DYNC1I1: variants seen among roughly 807,000 people sequenced by gnomAD.
DYNC1I1 encodes dynein cytoplasmic 1 intermediate chain 1.
DYNC1I1 carries 43 observed loss-of-function variants against 86.6 expected under a neutral mutation model. The ratio of observed to expected loss-of-function variants is 0.50; its 90% CI spans 0.39 to 0.64. The LOEUF is 0.64. Ranked by LOEUF, DYNC1I1 falls within the 30% of genes least tolerant of loss-of-function variation. DYNC1I1 has a pLI of 0.00. For synonymous variants in DYNC1I1, 262 were observed against 283.7 expected (o/e 0.92, Z 0.77); for missense variants, 604 against 788.8 (o/e 0.77, Z 2.81).
intron 5 of DYNC1I1, among the ~76,000 whole-genome samples, chr7:95,852,716 A>G (rs1731893423): frequency 6.6e-6 from 1 of 152,008 alleles, no homozygotes; most frequent in African/African-American, 2.4e-5. Flanking sequence ...CATTTTGGCC[A>G]GGTGGTCTTG....
Position 95,823,967 on chromosome 7 carries a change from T to TAC in DYNC1I1, c.315-4089_315-4088insCA, listed in dbSNP as rs1485846981. Among the ~76,000 whole-genome samples the TAC allele has an allele frequency of 3.1e-4, 34 of 109,144 alleles. 2 individuals are homozygous for TAC. The highest frequency in any genetic ancestry group is 1.7e-3 in the Admixed American group (15 of 8,716). The allele number at this position is 109,144 out of a possible 152,430, so 71.6% of individuals were successfully genotyped here. A position where few individuals can be genotyped will look rare whatever the true frequency, so the allele number is the denominator to read the frequency against. ...TTCTACTAAACTATATATATATATA[T>TAC]ATATATATATATGTTTTGGTTTTTT... On this transcript the variant is annotated intron_variant, in intron 4 of 16. Transcript: ENST00000447467.
At chr7:95,984,153 A>G (rs1793523992) in intron 7 of DYNC1I1, among the ~76,000 whole-genome samples, 2 of 152,168 alleles carry the variant, frequency 1.3e-5, no homozygotes, top group Admixed American at 1.3e-4. Flanking sequence ...GATTAATCAT[A>G]CCAGAAAAGT....
intron 5 of DYNC1I1, among the ~76,000 whole-genome samples, chr7:95,858,574 G>T (rs1562924756): frequency 1.3e-5 from 2 of 151,490 alleles, no homozygotes; most frequent in East Asian, 3.8e-4. Flanking sequence ...TGGCAGTGCA[G>T]TGGGTTTGTA....
intron 14 of DYNC1I1, among the ~76,000 whole-genome samples, chr7:96,072,339 G>T (rs181087376): frequency 1.8e-4 from 27 of 152,284 alleles, no homozygotes; most frequent in Non-Finnish European, 1.0e-4. Context: ...GCAGTAGGCC[G>T]TGTAACAGTG....
At chr7:95,815,711 T>C (rs1794931284) in intron 4 of DYNC1I1, among the ~76,000 whole-genome samples, 1 of 152,170 alleles carries the variant, frequency 6.6e-6, no homozygotes, top group Non-Finnish European at 1.5e-5. Flanking sequence ...TTCTTAAGAA[T>C]ATAACTCTAT....
intron 6 of DYNC1I1, among the ~76,000 whole-genome samples, chr7:95,936,956 T>TCTCTCACACACACACACACACACA (rs750834189): frequency 1.9e-3 from 255 of 134,274 alleles, no homozygotes; most frequent in Middle Eastern, 3.6e-3. Context: ...AGAATATGTC[T>TCTCTCACACACACACACACACACA]CACACACACA....
intron 6 of DYNC1I1, among the ~76,000 whole-genome samples, chr7:95,922,014 T>G (rs1009805634): frequency 1.3e-5 from 2 of 152,208 alleles, no homozygotes; most frequent in African/African-American, 4.8e-5. Context: ...TTTTCCCATG[T>G]TTAATCATTA....
intron 6 of DYNC1I1, among the ~76,000 whole-genome samples, chr7:95,951,371 C>G (rs1223639099): frequency 2.6e-5 from 4 of 152,130 alleles, no homozygotes; most frequent in Non-Finnish European, 5.9e-5. Context: ...GGCAGTCATG[C>G]TTATGTTCTC....
In DYNC1I1 at chr7:96,098,073, T is replaced by G; in HGVS notation, c.*480T>G. The G allele has an allele frequency of 5.1e-6, 5 of 988,886 alleles. No individual in the cohort carries two copies. The highest frequency in any genetic ancestry group is 6.0e-6 in the Non-Finnish European group (5 of 831,660). 61.3% of individuals were successfully genotyped at this position (988,886 alleles called of 1,614,324 possible). A position where few individuals can be genotyped will look rare whatever the true frequency, so the allele number is the denominator to read the frequency against. On this transcript the variant is annotated 3_prime_UTR_variant, in exon 17 of 17. Transcript: ENST00000447467. ...AATGGATTTACTAGAAGAACATTGC[T>G]GCTCCTTATTTATTGTAGTGTGCTG...
At chr7:96,097,365 T>A (rs1412020765) in intron 16 of DYNC1I1, 118 bp from the exon 17 acceptor site, 5 of 1,124,862 alleles carry the variant, frequency 4.4e-6, no homozygotes, top group Non-Finnish European at 6.3e-6. Flanking sequence ...TCCTTTACAT[T>A]CCAAGGGAAA....
intron 6 of DYNC1I1, among the ~76,000 whole-genome samples, chr7:95,880,068 T>G (rs1790412609): frequency 6.6e-6 from 1 of 152,202 alleles, no homozygotes; most frequent in Admixed American, 6.5e-5. Flanking sequence ...GTCAGCCTAT[T>G]CCTTATTACT....
At chr7:95,877,040 C>G (rs1170491013) in intron 6 of DYNC1I1, among the ~76,000 whole-genome samples, 1 of 152,184 alleles carries the variant, frequency 6.6e-6, no homozygotes, top group Non-Finnish European at 1.5e-5. Context: ...ACTCCATTCC[C>G]TCCTTGCCCC....
At chr7:96,003,033 C>T (rs564512734) in intron 10 of DYNC1I1, among the ~76,000 whole-genome samples, 1 of 152,020 alleles carries the variant, frequency 6.6e-6, no homozygotes, top group African/African-American at 2.4e-5. Flanking sequence ...TTGGTAGAGA[C>T]AGGATTTCAC....
chr7:96,051,231 C>A (rs1789395744), intron 14 of DYNC1I1, among the ~76,000 whole-genome samples: 1 of 152,104 alleles, frequency 6.6e-6, no homozygotes, highest in East Asian at 1.9e-4. Flanking sequence ...GGTCCTGGTA[C>A]AACTTCAGGG....
At chr7:95,799,353 T>C (rs917443605) in intron 1 of DYNC1I1, among the ~76,000 whole-genome samples, 2 of 152,122 alleles carry the variant, frequency 1.3e-5, no homozygotes, top group African/African-American at 4.8e-5. Flanking sequence ...CACTGCAGCC[T>C]GGGTGACAGA....
intron 6 of DYNC1I1, among the ~76,000 whole-genome samples, chr7:95,974,315 G>C (rs1240790383): frequency 6.6e-6 from 1 of 152,118 alleles, no homozygotes; most frequent in Non-Finnish European, 1.5e-5. Context: ...CCAGCACCTG[G>C]CACATAGTAA....
At chr7:96,045,781 AG>A (rs1789192552) in intron 14 of DYNC1I1, among the ~76,000 whole-genome samples, 1 of 152,156 alleles carries the variant, frequency 6.6e-6, no homozygotes, top group African/African-American at 2.4e-5. Context: ...GATGTGGGGC[AG>A]GGGAACTGTA....
Position 96,067,641 on chromosome 7 carries a change from C to T in DYNC1I1, c.1510-8416C>T, listed in dbSNP as rs1790034315. Among the ~76,000 whole-genome samples the T allele has an allele frequency of 2.6e-5, 4 of 152,194 alleles. No individual in the cohort carries two copies. In the South Asian group the frequency reaches 8.3e-4, roughly 32 times the overall value. ...TTTATCCACCAACACATACCTATGG[C>T]TGTTAAATATTTATGCAGACGTGTG... On this transcript the variant is annotated intron_variant, in intron 14 of 16. Coordinates refer to ENST00000447467, the MANE Select transcript of DYNC1I1 (RefSeq NM_001135556.2).
chr7:96,053,903 T>A (rs1452492875), intron 14 of DYNC1I1, among the ~76,000 whole-genome samples: 2 of 152,252 alleles, frequency 1.3e-5, no homozygotes, highest in Non-Finnish European at 2.9e-5. Context: ...AAGATTATTC[T>A]CATTCTTCTG....
Sources: allele counts gnomAD v4.1 joint callset (sites outside exome capture counted in the v4.1 genomes callset), GRCh38; gene constraint gnomAD v4.1.1; transcripts MANE v1.5; gene names NCBI Gene and HGNC (gene_info 2026-07-23, HGNC 2026-07-21).